KDM3B: variants seen among roughly 807,000 people sequenced by gnomAD.
The protein encoded by KDM3B is lysine demethylase 3B.
Under a neutral mutation model 170.0 loss-of-function variants are expected in KDM3B, and 10 were observed. The ratio of observed to expected loss-of-function variants is 0.06; its 90% CI spans 0.04 to 0.10. The LOEUF (loss-of-function observed/expected upper bound fraction) is 0.10. Ranked by LOEUF, KDM3B falls within the 10% of genes least tolerant of loss-of-function variation. KDM3B has a pLI of 1.00. For synonymous variants in KDM3B, 831 were observed against 834.8 expected, an observed-to-expected ratio of 1.00 and a Z score of 0.08; for missense variants, 1,394 against 2,195.2, an observed-to-expected ratio of 0.64 and a Z score of 7.29.
At chr5:138,415,918 T>A (rs1178267935) in intron 12 of KDM3B, among the ~76,000 whole-genome samples, 1 of 152,100 alleles carries the variant, frequency 6.6e-6, no homozygotes, top group Non-Finnish European at 1.5e-5. Flanking sequence ...AGACTTCTGG[T>A]TTTAGGCTTG....
At position 138,420,758 on chromosome 5, in the gene KDM3B, G is replaced by A. The variant is rs776624324; in HGVS notation, c.3768G>A (p.Gly1256=). The change falls in exon 15 of 24, where the codon GGG becomes GGA. Residue 1256 remains glycine, a synonymous_variant. Transcript: ENST00000314358. ...VLNKESHSPF[G]LDSFNSTAKV... ...ATAAAGAGTCTCATTCACCCTTTGG[G>A]CTGGACTCGTTCAACTCCACTGCAA... is the stretch of plus-strand genomic sequence containing the variant. 39 of 1,613,948 alleles carry A rather than the reference G, an allele frequency of 2.4e-5. 1 individual carries two copies. The Admixed American group carries it at 3.5e-4, about 14-fold the overall frequency.
intron 15 of KDM3B, among the ~76,000 whole-genome samples, chr5:138,421,994 C>A (rs1428572215): frequency 6.6e-6 from 1 of 152,178 alleles, no homozygotes; most frequent in Non-Finnish European, 1.5e-5. Flanking sequence ...CTCTTCAGGG[C>A]CTTTGCACTT....
intron 23 of KDM3B, among the ~76,000 whole-genome samples, chr5:138,434,860 G>C (rs1763634494): frequency 6.6e-6 from 1 of 152,172 alleles, no homozygotes; most frequent in African/African-American, 2.4e-5. Context: ...ATGGAGAATA[G>C]TAAAAGAAGG....
At chr5:138,427,723 T>A (rs1763432452) in intron 19 of KDM3B, among the ~76,000 whole-genome samples, 1 of 152,228 alleles carries the variant, frequency 6.6e-6, no homozygotes, top group South Asian at 2.1e-4. Context: ...TGCCCATATC[T>A]GTTTTGTTTT....
At chr5:138,429,641 T>G (rs1315817723) in intron 20 of KDM3B, among the ~76,000 whole-genome samples, 185 bp from the exon 21 acceptor site, 3 of 152,160 alleles carry the variant, frequency 2.0e-5, no homozygotes, top group Non-Finnish European at 4.4e-5. Flanking sequence ...CTCTAATAAG[T>G]AAGGAAGGTT....
chr5:138,373,005 G>T (rs954659387), intron 2 of KDM3B, among the ~76,000 whole-genome samples, 164 bp downstream of exon 2: 1 of 152,080 alleles, frequency 6.6e-6, no homozygotes, highest in Non-Finnish European at 1.5e-5. Flanking sequence ...TTTCTCCTTT[G>T]TCCTCCAAAA....
At position 138,417,891 on chromosome 5, in the gene KDM3B, T is replaced by C. The variant is rs1172106209; in HGVS notation, c.3435+281T>C. ...AGATACATACCTCAGGGTCTTTGTA[T>C]GGGTAAAGAATATAGAAAAGGTTGC... On this transcript the variant is annotated intron_variant, in intron 13 of 23. Coordinates refer to ENST00000314358, the MANE Select transcript of KDM3B (RefSeq NM_016604.4). 1.8e-5 allele frequency: 5 copies of C among 279,860 alleles called. No homozygotes were observed. The East Asian group carries it at 3.5e-4, about 20-fold the overall frequency. 17.3% of individuals were successfully genotyped at this position (279,860 alleles called of 1,614,324 possible).
At position 138,436,032 on chromosome 5, in the gene KDM3B, T is replaced by A. The variant is rs1348464014; in HGVS notation, c.*332T>A. 1.5e-5 allele frequency: 4 copies of A among 272,256 alleles called. No homozygotes were observed. The East Asian group carries it at 3.5e-4, about 24-fold the overall frequency. 16.9% of individuals were successfully genotyped at this position (272,256 alleles called of 1,614,324 possible). A position where few individuals can be genotyped will look rare whatever the true frequency, so the allele number is the denominator to read the frequency against. ...GATTCACGGGCACACCTTTCTTTTC[T>A]TTTCCTCTTGTGCCTAGTTAAGTGG... On this transcript the variant is annotated 3_prime_UTR_variant, in exon 24 of 24. Coordinates refer to ENST00000314358, the MANE Select transcript of KDM3B (RefSeq NM_016604.4).
At chr5:138,392,385 C>A in intron 8 of KDM3B, 124 bp downstream of exon 8, 2 of 1,038,082 alleles carry the variant, frequency 1.9e-6, no homozygotes, top group Non-Finnish European at 2.6e-6. Context: ...AATTACAGAG[C>A]CAAGAGGACC....
intron 6 of KDM3B, among the ~76,000 whole-genome samples, chr5:138,383,454 A>G (rs1281486020): frequency 6.6e-6 from 1 of 152,102 alleles, no homozygotes; most frequent in Non-Finnish European, 1.5e-5. Context: ...TTTGGTTTTT[A>G]GCAGCAGATG....
intron 15 of KDM3B, among the ~76,000 whole-genome samples, chr5:138,421,555 A>C (rs536881568): frequency 6.6e-6 from 1 of 152,316 alleles, no homozygotes; most frequent in African/African-American, 2.4e-5. Context: ...TTCTGAGCCA[A>C]CATCTTGCCT....
In KDM3B at chr5:138,392,254, C is replaced by G. The variant is rs777204132; in HGVS notation, c.2622C>G (p.Pro874=). 6.1e-5 allele frequency: 91 copies of G among 1,488,886 alleles called. 1 individual carries two copies. Among genetic ancestry groups the G allele is most frequent in the Non-Finnish European group, 7.9e-5 (88 of 1,117,692 alleles). The allele number at this position is 1,488,886 out of a possible 1,614,324, so 92.2% of individuals were successfully genotyped here. A position where few individuals can be genotyped will look rare whatever the true frequency, so the allele number is the denominator to read the frequency against. Residue 874 remains proline, a synonymous_variant, in exon 8 of 24, where the codon CCC becomes CCG. Transcript: ENST00000314358. ...CCAAGGGCCGGCCTCGGACTGCCCC[C>G]CTGAAAGGTGATCCTGCTGGGGCTA... ...QAPKGRPRTA[P]LKVGQSVLKD...
At chr5:138,365,200 C>T (rs546734131) in intron 1 of KDM3B, among the ~76,000 whole-genome samples, 1 of 152,202 alleles carries the variant, frequency 6.6e-6, no homozygotes, top group East Asian at 1.9e-4. Context: ...ATCACCATAT[C>T]CTGTTATTTT....
rs1580909217 is a variant in KDM3B at position 138,391,478 on chromosome 5, G to A, written c.1846G>A (p.Glu616Lys). The A allele has an allele frequency of 6.2e-7, 1 of 1,614,076 alleles. No individual in the cohort carries two copies. Among genetic ancestry groups the A allele is most frequent in the Non-Finnish European group, 8.5e-7 (1 of 1,180,004 alleles). The change falls in exon 8 of 24, where the codon GAG becomes AAG. Residue 616 changes from glutamate (E) to lysine (K), a missense_variant. Physicochemically the swap from Glu to Lys is moderately conservative, Grantham distance 56. Around this residue, in one of 19 missense-constraint regions of KDM3B, gnomAD observed 294 missense variants for 311.7 expected, o/e 0.94. Coordinates refer to ENST00000314358, the MANE Select transcript of KDM3B (RefSeq NM_016604.4). The surrounding 1 kb of genome is among the most constrained non-coding windows in gnomAD (Gnocchi z 5.0). ...PRSLLNARTP[E>K]NHENLFLQPP... ...GAGCCTCCTAAATGCCCGTACCCCA[G>A]AGAATCATGAAAATCTATTTTTACA... is the stretch of plus-strand genomic sequence containing the variant.
chr5:138,397,621 T>C (rs1390087867), intron 9 of KDM3B, among the ~76,000 whole-genome samples: 1 of 152,122 alleles, frequency 6.6e-6, no homozygotes, highest in Non-Finnish European at 1.5e-5. Context: ...GCGGATCTCT[T>C]GAGGTCAGTA....
chr5:138,400,044 G>C (rs1363796125), intron 11 of KDM3B, 32 bp downstream of exon 11: 1 of 1,609,918 alleles, frequency 6.2e-7, no homozygotes, highest in African/African-American at 1.3e-5. Context: ...TAGCTCGAAA[G>C]GTAACGTGGA....
chr5:138,370,643 A>AT (rs1761850258), intron 1 of KDM3B, among the ~76,000 whole-genome samples: 1 of 152,180 alleles, frequency 6.6e-6, no homozygotes, highest in African/African-American at 2.4e-5. Flanking sequence ...ATCATAGCAC[A>AT]TACATCTGCA....
At chr5:138,360,730 T>G (rs997147013) in intron 1 of KDM3B, among the ~76,000 whole-genome samples, 1 of 152,082 alleles carries the variant, frequency 6.6e-6, no homozygotes, top group East Asian at 1.9e-4. Context: ...TAACTCGGAT[T>G]ACAGGTGCCT....
At chr5:138,401,155 C>G (rs1459977083) in intron 11 of KDM3B, among the ~76,000 whole-genome samples, 2 of 151,636 alleles carry the variant, frequency 1.3e-5, no homozygotes, top group African/African-American at 4.8e-5. Context: ...CCTGTAATCC[C>G]AGCTACTCAA....
Sources: allele counts gnomAD v4.1 joint callset (sites outside exome capture counted in the v4.1 genomes callset), GRCh38; gene constraint gnomAD v4.1.1; regional missense constraint gnomAD v4.1.1; non-coding constraint Gnocchi (gnomAD v3.1); transcripts MANE v1.5; gene names NCBI Gene and HGNC (gene_info 2026-07-23, HGNC 2026-07-21).